TIMMDC1: variants seen among roughly 807,000 people sequenced by gnomAD.
The protein encoded by TIMMDC1 is complex I assembly factor TIMMDC1, mitochondrial.
In TIMMDC1, 25 loss-of-function variants were observed where a neutral mutation model predicts 32.6. The observed-to-expected ratio is 0.77, with a 90% confidence interval of 0.56 to 1.07. The LOEUF is 1.07. Ranked by LOEUF, TIMMDC1 falls within the 50% of genes least tolerant of loss-of-function variation. The pLI is 0.00. For missense variants in TIMMDC1, 329 were observed against 349.2 expected, an observed-to-expected ratio of 0.94 and a Z score of 0.46; for synonymous variants, 130 against 127.6, an observed-to-expected ratio of 1.02 and a Z score of -0.13.
chr3:119,523,337 A>G lies in TIMMDC1; in HGVS notation c.708-269A>G, dbSNP rs753741768. Reference sequence around the variant, plus strand: ...GTTCCCACACATCACTCCTGTGAGAACTCTAGGACCCAGCATACTAGGAAT... The same window carrying G: ...GTTCCCACACATCACTCCTGTGAGAGCTCTAGGACCCAGCATACTAGGAAT... On this transcript the variant is annotated intron_variant, in intron 6 of 6. Transcript: ENST00000494664. Among the ~76,000 whole-genome samples the G allele has an allele frequency of 1.2e-4, 18 of 152,236 alleles. 1 individual carries two copies. The East Asian group carries it at 1.7e-3, about 15-fold the overall frequency.
Position 119,524,168 on chromosome 3 carries a change from GAAACCCTTGGGTCCTGGAA to G in TIMMDC1, c.*413_*431del. 6.5e-6 allele frequency: 1 copy of G among 154,172 alleles called. No homozygotes were observed. The highest frequency in any genetic ancestry group is 1.4e-5 in the Non-Finnish European group (1 of 69,226). 9.6% of individuals were successfully genotyped at this position (154,172 alleles called of 1,614,324 possible). A position where few individuals can be genotyped will look rare whatever the true frequency, so the allele number is the denominator to read the frequency against. On this transcript the variant is annotated 3_prime_UTR_variant, in exon 7 of 7. Transcript: ENST00000494664. ...AGAACCAGGTAGGCAAATGGTCTGT[GAAACCCTTGGGTCCTGGAA>G]GCAGTGTGAGTGTAAATGTGTAGTG...
chr3:119,498,995 C>A (rs1377292347), intron 1 of TIMMDC1, 68 bp downstream of exon 1: 2 of 1,448,600 alleles, frequency 1.4e-6, no homozygotes, highest in African/African-American at 1.4e-5. Flanking sequence ...CGTGGGCAGC[C>A]TGGGTCAGCC....
At chr3:119,509,177 G>A (rs544621244) in intron 4 of TIMMDC1, among the ~76,000 whole-genome samples, 2 of 149,048 alleles carry the variant, frequency 1.3e-5, no homozygotes, top group Admixed American at 6.8e-5. Flanking sequence ...CTGCACTCCA[G>A]CCTGGGCTAC....
chr3:119,498,621 A>T lies in TIMMDC1; in HGVS notation c.-113A>T, dbSNP rs1307233039. 11 of 1,084,140 alleles carry T rather than the reference A, an allele frequency of 1.0e-5. No individual in the cohort carries two copies. In the East Asian group the frequency reaches 2.6e-4, roughly 26 times the overall value. The allele number at this position is 1,084,140 out of a possible 1,614,324, so 67.2% of individuals were successfully genotyped here. The stretch of plus-strand genomic sequence containing the variant: ...TGTCGAGCCCTCTGGCAGAGGGTTA[A>T]CCTGGGTCAAATGCACGGATTCTCA... On this transcript the variant is annotated 5_prime_UTR_variant, in exon 1 of 7. Coordinates refer to ENST00000494664, the MANE Select transcript of TIMMDC1 (RefSeq NM_016589.4).
Position 119,500,707 on chromosome 3 carries a change from A to G in TIMMDC1, c.207A>G (p.Arg69=), listed in dbSNP as rs2081867462. ...TTTGATGTTGTAGTGAACAGCAGAG[A>G]ATTTCAAAGGACCTTGCTAATATCT... ...RELFGKDEQQ[R]ISKDLANICK... is the part of the protein sequence containing the mutation. Residue 69 remains arginine (R), a synonymous_variant, in exon 2 of 7, where the codon AGA becomes AGG. Coordinates refer to ENST00000494664, the MANE Select transcript of TIMMDC1 (RefSeq NM_016589.4). 1 of 1,613,136 alleles carries G rather than the reference A, an allele frequency of 6.2e-7. No homozygotes were observed. The highest frequency in any genetic ancestry group is 8.5e-7 in the Non-Finnish European group (1 of 1,179,712).
intron 1 of TIMMDC1, among the ~76,000 whole-genome samples, chr3:119,500,003 G>C (rs1183764848): frequency 6.6e-6 from 1 of 152,074 alleles, no homozygotes; most frequent in Non-Finnish European, 1.5e-5. Flanking sequence ...ATTTGAACTC[G>C]GGCTCAAGTC....
chr3:119,499,498 C>G (rs1400554680), intron 1 of TIMMDC1, among the ~76,000 whole-genome samples: 1 of 151,186 alleles, frequency 6.6e-6, no homozygotes, highest in East Asian at 1.9e-4. Context: ...GCTCACTGCA[C>G]TCTTCACTTC....
intron 4 of TIMMDC1, among the ~76,000 whole-genome samples, chr3:119,505,172 TC>T (rs1365375520): frequency 6.6e-6 from 1 of 152,116 alleles, no homozygotes; most frequent in Non-Finnish European, 1.5e-5. Flanking sequence ...ATTTAGCCAT[TC>T]CCCAATATAT....
At chr3:119,498,999 G>A (rs1246725188) in intron 1 of TIMMDC1, 72 bp downstream of exon 1, 1 of 1,413,858 alleles carries the variant, frequency 7.1e-7, no homozygotes, top group African/African-American at 1.4e-5. Flanking sequence ...GGCAGCCTGG[G>A]TCAGCCTTAG....
intron 4 of TIMMDC1, 96 bp downstream of exon 4, chr3:119,504,117 G>C: frequency 1.1e-6 from 1 of 925,308 alleles, no homozygotes; most frequent in Non-Finnish European, 1.7e-6. Context: ...TCTTTGGTTG[G>C]CTTCCCATTA....
Position 119,523,617 on chromosome 3 carries a change from T to C in TIMMDC1, c.719T>C (p.Leu240Pro). 2 of 1,605,986 alleles carry C rather than the reference T, an allele frequency of 1.2e-6. No homozygotes were observed. Among genetic ancestry groups the C allele is most frequent in the South Asian group, 1.1e-5 (1 of 89,710 alleles). The change falls in exon 7 of 7, where the codon CTA becomes CCA. Residue 240 changes from leucine (L) to proline (P), a missense_variant. Leu to Pro is a moderately conservative substitution (Grantham distance 98, BLOSUM62 -3). Coordinates refer to ENST00000494664, the MANE Select transcript of TIMMDC1 (RefSeq NM_016589.4). ...ELKLEEWKGRLQVTEHLPEKI... is the reference protein window; with the variant it reads ...ELKLEEWKGRPQVTEHLPEKI... ...TTATCTGATTACAGGAAAGGCAGAC[T>C]ACAAGTTACTGAGCACCTCCCTGAG...
intron 4 of TIMMDC1, among the ~76,000 whole-genome samples, chr3:119,506,659 G>T (rs1047301495): frequency 6.7e-6 from 1 of 150,190 alleles, no homozygotes; most frequent in Middle Eastern, 3.2e-3. Context: ...CTATCTTATC[G>T]TCCCTGTTTC....
intron 6 of TIMMDC1, 98 bp from the exon 7 acceptor site, chr3:119,523,508 G>T: frequency 7.9e-7 from 1 of 1,270,952 alleles, no homozygotes. Context: ...CTATACCAAA[G>T]CAGGGAGGAA....
rs1039702942 is a variant in TIMMDC1 at position 119,523,758 on chromosome 3, A to G, written c.*2A>G. The G allele has an allele frequency of 6.3e-7, 1 of 1,595,342 alleles. No homozygotes were observed. Among genetic ancestry groups the G allele is most frequent in the Non-Finnish European group, 8.5e-7 (1 of 1,172,048 alleles). On this transcript the variant is annotated 3_prime_UTR_variant, in exon 7 of 7. Transcript: ENST00000494664. ...ATAGATAAACAAGACAAGGACTGAA[A>G]GTGCTCTGAACTTGAAACTCACTGG...
chr3:119,518,040 A>G (rs1060569), intron 6 of TIMMDC1, among the ~76,000 whole-genome samples: 124,346 of 151,034 alleles, frequency 0.82, 51,278 homozygotes, highest in East Asian at 0.87. Context: ...TCTCCACAAA[A>G]ATTCTATTTC....
At position 119,517,225 on chromosome 3, in the gene TIMMDC1, T is replaced by G; in HGVS notation, c.617T>G (p.Leu206Arg). 6.2e-7 allele frequency: 1 copy of G among 1,613,498 alleles called. No homozygotes were observed. The highest frequency in any genetic ancestry group is 1.3e-5 in the African/African-American group (1 of 75,034). The change falls in exon 6 of 7, where the codon CTG becomes CGG. Residue 206 changes from leucine (L) to arginine (R), a missense_variant. Transcript: ENST00000494664. ...CTCAGCACTCCTGTAGGAGGCCTGC[T>G]GATGGCATTTCAGAAGTACTCTGGT... ...ALLGTPVGGL[L>R]MAFQKYSGET...
chr3:119,523,380 T>A (rs2082043591), intron 6 of TIMMDC1, among the ~76,000 whole-genome samples: 1 of 152,210 alleles, frequency 6.6e-6, no homozygotes, highest in Non-Finnish European at 1.5e-5. Context: ...GGATCAGAGC[T>A]GTCACCACAA....
Position 119,523,600 on chromosome 3 carries a change from T to C in TIMMDC1, c.708-6T>C, listed in dbSNP as rs1332818204. On this transcript the variant is annotated splice_region_variant and splice_polypyrimidine_tract_variant and intron_variant, in intron 6 of 6. Transcript: ENST00000494664. ...TATTTGATTTATCCTTTTTATCTGA[T>C]TACAGGAAAGGCAGACTACAAGTTA... 2 of 1,590,548 alleles carry C rather than the reference T, an allele frequency of 1.3e-6. No homozygotes were observed. Among genetic ancestry groups the C allele is most frequent in the Admixed American group, 1.8e-5 (1 of 54,174 alleles).
chr3:119,498,995 C>G, intron 1 of TIMMDC1, 68 bp downstream of exon 1: 2 of 1,448,708 alleles, frequency 1.4e-6, no homozygotes, highest in African/African-American at 1.4e-5. Flanking sequence ...CGTGGGCAGC[C>G]TGGGTCAGCC....
Sources: allele counts gnomAD v4.1 joint callset (sites outside exome capture counted in the v4.1 genomes callset), GRCh38; gene constraint gnomAD v4.1.1; transcripts MANE v1.5; gene names NCBI Gene and HGNC (gene_info 2026-07-23, HGNC 2026-07-21).